The following VPS13D variants were observed in gnomAD, a reference collection of about 807,000 sequenced individuals.
VPS13D encodes intermembrane lipid transfer protein VPS13D.
A neutral mutation model predicts 461.9 loss-of-function variants in VPS13D; 187 were observed. The observed-to-expected ratio is 0.40, with a 90% CI of 0.36 to 0.46. The LOEUF (loss-of-function observed/expected upper bound fraction) is 0.46. Ranked by LOEUF, VPS13D falls within the 20% of genes least tolerant of loss-of-function variation. The probability of loss-of-function intolerance (pLI) is 0.60; values close to 1 mark genes in which losing one functional copy is unlikely to be tolerated. For missense variants in VPS13D, 4,711 were observed against 5,364.9 expected, an observed-to-expected ratio of 0.88 and a Z score of 3.81; for synonymous variants, 1,951 against 1,986.3, an observed-to-expected ratio of 0.98 and a Z score of 0.47.
At position 12,276,519 on chromosome 1, in the gene VPS13D, G is replaced by A. The variant is rs1243164538; in HGVS notation, c.2931G>A (p.Val977=). ...AGAGCAATGGCCGGTACATTTCTGT[G>A]CTCAAGGTGTTTGGTACCAATGCTC... ...GVESNGRYIS[V]LKVFGTNAHF... is the part of the protein sequence containing the mutation. Residue 977 remains valine (V), a synonymous_variant, in exon 19 of 70, where the codon GTG becomes GTA. Transcript: ENST00000620676. This position sits in a 1 kb window ranked among gnomAD's most constrained non-coding sequence, Gnocchi z 4.5. 10 of 1,614,164 alleles carry A rather than the reference G, an allele frequency of 6.2e-6. No individual in the cohort carries two copies. The highest frequency in any genetic ancestry group is 8.5e-6 in the Non-Finnish European group (10 of 1,180,032).
rs778742146 is a variant in VPS13D, at chr1:12,282,654, CT to C, written c.4603-50del. 307 of 1,515,322 alleles carry C rather than the reference CT, an allele frequency of 2.0e-4. 1 individual carries two copies. The highest frequency in any genetic ancestry group is 2.7e-4 in the Non-Finnish European group (299 of 1,114,406). The allele number at this position is 1,515,322 out of a possible 1,614,324, so 93.9% of individuals were successfully genotyped here. On this transcript the variant is annotated intron_variant, in intron 20 of 69. Coordinates refer to ENST00000620676, the MANE Select transcript of VPS13D (RefSeq NM_015378.4). ...CTGTAGACATTTATGGGCATTACAT[CT>C]ACGTGCATTTAATAATAAGAGTAAC...
At chr1:12,278,964 C>T (rs1450775989) in intron 19 of VPS13D, among the ~76,000 whole-genome samples, 2 of 152,136 alleles carry the variant, frequency 1.3e-5, no homozygotes, top group African/African-American at 4.8e-5. Context: ...GAAATTAATG[C>T]CTTTGAGAAC....
intron 65 of VPS13D, among the ~76,000 whole-genome samples, chr1:12,452,625 A>G (rs1003956711): frequency 6.6e-6 from 1 of 152,250 alleles, no homozygotes; most frequent in African/African-American, 2.4e-5. Flanking sequence ...AAAGGAGGCC[A>G]CATGCTTTAT....
chr1:12,459,862 A>G lies in VPS13D; in HGVS notation c.12467-339A>G, dbSNP rs561818784. Among the ~76,000 whole-genome samples, 12 of 150,506 alleles carry G rather than the reference A, an allele frequency of 8.0e-5. No individual in the cohort carries two copies. The South Asian group carries it at 1.0e-3, about 13-fold the overall frequency. On this transcript the variant is annotated intron_variant, in intron 66 of 69. Coordinates refer to ENST00000620676, the MANE Select transcript of VPS13D (RefSeq NM_015378.4). Reference sequence around the variant, plus strand: ...TAGTCTCCTGTTGATTTAATCCTCTATCTGTATCCTCTCCTGATCGTCCGT... The same window carrying G: ...TAGTCTCCTGTTGATTTAATCCTCTGTCTGTATCCTCTCCTGATCGTCCGT...
chr1:12,298,043 A>G (rs1296377101), intron 24 of VPS13D, among the ~76,000 whole-genome samples: 1 of 152,176 alleles, frequency 6.6e-6, no homozygotes, highest in Non-Finnish European at 1.5e-5. Context: ...TACAGGAAAA[A>G]AAGACTGAAA....
At chr1:12,274,965 T>A (rs1641564174) in intron 18 of VPS13D, among the ~76,000 whole-genome samples, 1 of 150,730 alleles carries the variant, frequency 6.6e-6, no homozygotes, top group South Asian at 2.1e-4. Context: ...ACGCCTGTAA[T>A]CCCAGCACTT....
intron 2 of VPS13D, among the ~76,000 whole-genome samples, chr1:12,235,354 G>A (rs1466441548): frequency 1.3e-5 from 2 of 152,128 alleles, no homozygotes; most frequent in Admixed American, 6.6e-5. Context: ...TAAGGCAGGC[G>A]GATCACGAGG....
intron 25 of VPS13D, among the ~76,000 whole-genome samples, chr1:12,300,207 CTTTT>C (rs35299447): frequency 7.3e-5 from 9 of 123,348 alleles, no homozygotes; most frequent in African/African-American, 2.4e-4. Context: ...ATTTGCTTTG[CTTTT>C]TTTTTTTTTT....
At position 12,356,037 on chromosome 1, in the gene VPS13D, A is replaced by G. The variant is rs1643882899; in HGVS notation, c.9818A>G (p.Glu3273Gly). ...ACCATCCGGATTGTGTGTCGAGCAG[A>G]AGGATCCTTAAAGATCTTCATTTCT... is the stretch of plus-strand genomic sequence containing the variant. ...NLTIRIVCRA[E>G]GSLKIFISAP... Residue 3273 changes from glutamate (E) to glycine (G), a missense_variant, in exon 48 of 70, where the codon GAA becomes GGA. Transcript: ENST00000620676. 1.9e-6 allele frequency: 3 copies of G among 1,614,018 alleles called. No individual in the cohort carries two copies. The highest frequency in any genetic ancestry group is 2.5e-6 in the Non-Finnish European group (3 of 1,179,948).
chr1:12,443,434 A>G (rs1410705817), intron 65 of VPS13D, among the ~76,000 whole-genome samples: 1 of 152,222 alleles, frequency 6.6e-6, no homozygotes, highest in Non-Finnish European at 1.5e-5. Context: ...GTTGTTACAA[A>G]TATTCTTGTT....
intron 67 of VPS13D, among the ~76,000 whole-genome samples, chr1:12,487,589 C>T (rs1409216726): frequency 2.0e-5 from 3 of 149,192 alleles, no homozygotes; most frequent in East Asian, 2.0e-4. Flanking sequence ...GCAGCCTGGG[C>T]GACAGAGCGA....
At chr1:12,416,538 G>A (rs1368431572) in intron 64 of VPS13D, 122 bp from the exon 65 acceptor site, 39 of 1,034,446 alleles carry the variant, frequency 3.8e-5, no homozygotes, top group Admixed American at 3.2e-4. Flanking sequence ...TTTTAATCTC[G>A]TTACTTGTAG....
At chr1:12,243,633 A>G (rs183068757) in intron 3 of VPS13D, among the ~76,000 whole-genome samples, 10 of 152,318 alleles carry the variant, frequency 6.6e-5, no homozygotes, top group Admixed American at 6.5e-4. Context: ...TAAATTGAAC[A>G]TAAAGAAAGC....
At chr1:12,354,839 A>G (rs1461745166) in intron 47 of VPS13D, among the ~76,000 whole-genome samples, 1 of 152,140 alleles carries the variant, frequency 6.6e-6, no homozygotes, top group African/African-American at 2.4e-5. Flanking sequence ...TGGGGAAGAA[A>G]TGGGGGTTTG....
chr1:12,286,199 C>T (rs985163011), intron 21 of VPS13D, among the ~76,000 whole-genome samples: 1 of 151,914 alleles, frequency 6.6e-6, no homozygotes, highest in Non-Finnish European at 1.5e-5. Context: ...TGCCTCAGTC[C>T]CTCGAGTAGC....
At chr1:12,480,136 T>C (rs116732636) in intron 67 of VPS13D, among the ~76,000 whole-genome samples, 2,554 of 152,272 alleles carry the variant, frequency 0.017, 66 homozygotes, top group African/African-American at 0.057. Context: ...ACTCCTGAAA[T>C]AATGAACTAC....
At chr1:12,465,513 C>T (rs940573554) in intron 67 of VPS13D, among the ~76,000 whole-genome samples, 4 of 152,220 alleles carry the variant, frequency 2.6e-5, no homozygotes, top group East Asian at 3.9e-4. Context: ...TCTGGAATCC[C>T]GGGACCCTCG....
chr1:12,300,319 C>T (rs1305067384), intron 25 of VPS13D, among the ~76,000 whole-genome samples: 6 of 151,608 alleles, frequency 4.0e-5, no homozygotes, highest in African/African-American at 9.7e-5. Flanking sequence ...GCAATTCTCC[C>T]GCCTCAGCCT....
At chr1:12,508,543 A>T (rs1646143378) in intron 69 of VPS13D, among the ~76,000 whole-genome samples, 1 of 59,732 alleles carries the variant, frequency 1.7e-5, no homozygotes, top group Non-Finnish European at 2.9e-5. Context: ...ATCTCTACTT[A>T]AAAAAAAAAA....
Sources: allele counts gnomAD v4.1 joint callset (sites outside exome capture counted in the v4.1 genomes callset), GRCh38; gene constraint gnomAD v4.1.1; non-coding constraint Gnocchi (gnomAD v3.1); transcripts MANE v1.5; gene names NCBI Gene and HGNC (gene_info 2026-07-23, HGNC 2026-07-21).